Variants in GPR39 observed in about 807,000 individuals in gnomAD.
GPR39 encodes the protein zinc sensing receptor.
A neutral mutation model predicts 18.4 loss-of-function variants in GPR39; 23 were observed. That is an observed-to-expected ratio of 1.25 (90% CI 0.90 to 1.77). GPR39 has a LOEUF of 1.77. Ranked by LOEUF, GPR39 falls within the 40% of genes most tolerant of loss-of-function variation. The pLI is 0.00. For missense variants in GPR39, 647 were observed against 602.4 expected, an observed-to-expected ratio of 1.07 and a Z score of -0.78; for synonymous variants, 280 against 257.9, an observed-to-expected ratio of 1.09 and a Z score of -0.82.
intron 1 of GPR39, among the ~76,000 whole-genome samples, chr2:132,441,861 G>T (rs929518039): frequency 6.6e-6 from 1 of 152,182 alleles, no homozygotes; most frequent in African/African-American, 2.4e-5. Context: ...CGCTCTTCAC[G>T]CAGAGGGGAG....
At chr2:132,553,804 T>C (rs1680098118) in intron 1 of GPR39, among the ~76,000 whole-genome samples, 1 of 152,012 alleles carries the variant, frequency 6.6e-6, no homozygotes, top group Non-Finnish European at 1.5e-5. Context: ...AAGGCCTCTC[T>C]GAAACCCACA....
At chr2:132,443,329 TA>T (rs1680473806) in intron 1 of GPR39, among the ~76,000 whole-genome samples, 1 of 147,296 alleles carries the variant, frequency 6.8e-6, no homozygotes, top group African/African-American at 2.4e-5. Context: ...GTACCTGACT[TA>T]CGATGGAGTG....
chr2:132,469,738 G>T (rs1453640932), intron 1 of GPR39, among the ~76,000 whole-genome samples: 3 of 152,138 alleles, frequency 2.0e-5, no homozygotes, highest in Non-Finnish European at 1.5e-5. Flanking sequence ...ACATCCAGAG[G>T]GCCCATTACT....
chr2:132,571,870 A>G (rs1573674481), intron 1 of GPR39, among the ~76,000 whole-genome samples: 1 of 152,222 alleles, frequency 6.6e-6, no homozygotes, highest in Admixed American at 6.5e-5. Context: ...TGGAGCCCAG[A>G]TGAGAAGATC....
intron 1 of GPR39, among the ~76,000 whole-genome samples, chr2:132,585,059 G>A (rs1235459234): frequency 1.3e-5 from 2 of 152,140 alleles, no homozygotes; most frequent in African/African-American, 2.4e-5. Context: ...AAATGTTTTT[G>A]CACTGCTTTG....
intron 1 of GPR39, among the ~76,000 whole-genome samples, chr2:132,513,917 A>G (rs1400909587): frequency 6.6e-6 from 1 of 152,150 alleles, no homozygotes; most frequent in Non-Finnish European, 1.5e-5. Context: ...TTTTTGCCAT[A>G]TTGCCTAGGC....
At chr2:132,503,367 T>C (rs184048689) in intron 1 of GPR39, among the ~76,000 whole-genome samples, 1 of 152,332 alleles carries the variant, frequency 6.6e-6, no homozygotes, top group East Asian at 1.9e-4. Flanking sequence ...CTAGTAGAGC[T>C]ACTGGGCTCC....
chr2:132,623,826 C>T (rs1681490315), intron 1 of GPR39, among the ~76,000 whole-genome samples: 1 of 152,096 alleles, frequency 6.6e-6, no homozygotes, highest in Non-Finnish European at 1.5e-5. Flanking sequence ...GAAGGTGGCT[C>T]ACTCCTTTTT....
At chr2:132,487,072 G>T (rs550279687) in intron 1 of GPR39, among the ~76,000 whole-genome samples, 48 of 152,204 alleles carry the variant, frequency 3.2e-4, no homozygotes, top group African/African-American at 1.1e-3. Flanking sequence ...CAGGGAATAC[G>T]GAGGCCTGAG....
chr2:132,538,488 C>A (rs11888950), intron 1 of GPR39, among the ~76,000 whole-genome samples: 1 of 152,096 alleles, frequency 6.6e-6, no homozygotes, highest in Non-Finnish European at 1.5e-5. Context: ...GTCTGTCAGC[C>A]CCTTTTGGGA....
At chr2:132,616,417 C>T (rs1016419940) in intron 1 of GPR39, among the ~76,000 whole-genome samples, 3 of 152,180 alleles carry the variant, frequency 2.0e-5, no homozygotes, top group East Asian at 1.9e-4. Flanking sequence ...AATTTTTCAG[C>T]GACAGATTTG....
chr2:132,511,302 G>C (rs1477389864), intron 1 of GPR39, among the ~76,000 whole-genome samples: 3 of 151,946 alleles, frequency 2.0e-5, no homozygotes, highest in Non-Finnish European at 4.4e-5. Context: ...TTAATCTAAA[G>C]TAAATTAAAC....
At chr2:132,525,992 G>A (rs1679500816) in intron 1 of GPR39, among the ~76,000 whole-genome samples, 1 of 152,114 alleles carries the variant, frequency 6.6e-6, no homozygotes, top group Non-Finnish European at 1.5e-5. Context: ...GGCTTTTCTA[G>A]GAAAACAGAC....
chr2:132,481,901 T>C (rs116151336), intron 1 of GPR39, among the ~76,000 whole-genome samples: 16 of 152,192 alleles, frequency 1.1e-4, no homozygotes, highest in African/African-American at 3.9e-4. Context: ...TCCTTGAAGA[T>C]TAAAGCTATA....
chr2:132,502,238 A>G (rs1244669411), intron 1 of GPR39, among the ~76,000 whole-genome samples: 1 of 152,278 alleles, frequency 6.6e-6, no homozygotes, highest in African/African-American at 2.4e-5. Flanking sequence ...CAAGATTTAG[A>G]GCTCCTTTTA....
intron 1 of GPR39, among the ~76,000 whole-genome samples, chr2:132,584,526 G>A (rs1014837455): frequency 3.3e-5 from 5 of 152,054 alleles, no homozygotes; most frequent in African/African-American, 1.2e-4. Flanking sequence ...GAAAGGGAAG[G>A]AAGGCTAGCA....
intron 1 of GPR39, among the ~76,000 whole-genome samples, chr2:132,486,516 C>G (rs1251874810): frequency 2.0e-5 from 3 of 152,250 alleles, no homozygotes; most frequent in African/African-American, 7.2e-5. Context: ...ACTGTCTTAG[C>G]TAGATCTTCT....
At chr2:132,602,362 C>A (rs563561151) in intron 1 of GPR39, among the ~76,000 whole-genome samples, 1 of 152,110 alleles carries the variant, frequency 6.6e-6, no homozygotes, top group Non-Finnish European at 1.5e-5. Flanking sequence ...AGGCTCTTAT[C>A]TCCTACCATA....
rs962517001 is a variant in GPR39 at position 132,618,329 on chromosome 2, C to T, written c.857-26772C>T. ...ATTTTCATTTCATTTTCAAGTTGTA[C>T]GTTCCCTCTTTCACTCAGACTAGTA... On this transcript the variant is annotated intron_variant, in intron 1 of 1. Transcript: ENST00000329321. 9.2e-5 allele frequency among the ~76,000 whole-genome samples: 14 copies of T among 152,190 alleles called. No individual in the cohort carries two copies. In the East Asian group the frequency reaches 9.6e-4, roughly 10 times the overall value.
Sources: allele counts gnomAD v4.1 joint callset (sites outside exome capture counted in the v4.1 genomes callset), GRCh38; gene constraint gnomAD v4.1.1; transcripts MANE v1.5; gene names NCBI Gene and HGNC (gene_info 2026-07-23, HGNC 2026-07-21).